Variants in ZZEF1 observed in about 807,000 individuals in gnomAD.
ZZEF1 encodes zinc finger ZZ-type and EF-hand domain-containing protein 1.
In ZZEF1, 157 loss-of-function variants were observed where a neutral mutation model predicts 342.8. The observed-to-expected ratio is 0.46, with a 90% CI of 0.40 to 0.52. The LOEUF (loss-of-function observed/expected upper bound fraction) is 0.52, where lower values mean the gene tolerates loss of function less well. Among genes scored for constraint, ZZEF1 ranks in the 20% least tolerant of loss-of-function variants. The probability of loss-of-function intolerance (pLI) is 0.00; values close to 1 mark genes in which losing one functional copy is unlikely to be tolerated. For synonymous variants in ZZEF1, 1,505 were observed against 1,429.1 expected, an observed-to-expected ratio of 1.05 and a Z score of -1.20; for missense variants, 3,480 against 3,725.6, an observed-to-expected ratio of 0.93 and a Z score of 1.72.
At chr17:4,023,137 A>C (rs2056313401) in intron 43 of ZZEF1, among the ~76,000 whole-genome samples, 1 of 152,038 alleles carries the variant, frequency 6.6e-6, no homozygotes, top group Non-Finnish European at 1.5e-5. Flanking sequence ...CTGCTCCTTG[A>C]CCACCACGCT....
At chr17:4,015,722 C>T (rs1331741913) in intron 49 of ZZEF1, among the ~76,000 whole-genome samples, 1 of 152,222 alleles carries the variant, frequency 6.6e-6, no homozygotes, top group East Asian at 1.9e-4. Flanking sequence ...CGAGATCACA[C>T]CACTGCACTG....
intron 46 of ZZEF1, among the ~76,000 whole-genome samples, chr17:4,019,329 T>C (rs3894202): frequency 0.21 from 31,544 of 152,102 alleles, 3,361 homozygotes; most frequent in Middle Eastern, 0.27. Context: ...ATTTTAAAAA[T>C]ATCTTGAGCA....
At chr17:4,022,604 G>GTACTAA in intron 44 of ZZEF1, 105 bp downstream of exon 44, 1 of 1,531,054 alleles carries the variant, frequency 6.5e-7, no homozygotes. Context: ...TGTACTAAAG[G>GTACTAA]AGTGTGCACA....
Position 4,048,240 on chromosome 17 carries a change from C to T in ZZEF1, c.6015+1468G>A, listed in dbSNP as rs553396419. ...AGACGTTTCATGGAAAAAATGTGGA[C>T]GGTTGAGAGACAGGCTTGATGATTA... On this transcript the variant is annotated intron_variant, in intron 37 of 54. Transcript: ENST00000381638. Among the ~76,000 whole-genome samples the T allele has an allele frequency of 3.0e-4, 45 of 152,302 alleles. 1 individual carries two copies. The highest frequency in any genetic ancestry group is 1.0e-3 in the African/African-American group (42 of 41,552).
rs564733546 is a variant in ZZEF1, at chr17:4,019,941, T to C, written c.7405-172A>G. On this transcript the variant is annotated intron_variant, in intron 45 of 54. Coordinates refer to ENST00000381638, the MANE Select transcript of ZZEF1 (RefSeq NM_015113.4). Reference sequence around the variant, plus strand: ...ATATAAAATTGTAAGCACCAAAACATGGACTATAACACCTACACTACGACT... The same window carrying C: ...ATATAAAATTGTAAGCACCAAAACACGGACTATAACACCTACACTACGACT... 37 of 527,994 alleles carry C rather than the reference T, an allele frequency of 7.0e-5. 1 individual carries two copies. In the South Asian group the frequency reaches 9.7e-4, roughly 14 times the overall value. 32.7% of individuals were successfully genotyped at this position (527,994 alleles called of 1,614,324 possible). A position where few individuals can be genotyped will look rare whatever the true frequency, so the allele number is the denominator to read the frequency against.
intron 43 of ZZEF1, 139 bp downstream of exon 43, chr17:4,024,780 G>T: frequency 3.7e-6 from 3 of 809,590 alleles, no homozygotes; most frequent in Non-Finnish European, 6.2e-6. Flanking sequence ...TGTGTGTAAG[G>T]CCCACGCGTT....
chr17:4,115,624 C>T (rs955643331), intron 3 of ZZEF1, among the ~76,000 whole-genome samples: 2 of 152,058 alleles, frequency 1.3e-5, no homozygotes, highest in Non-Finnish European at 1.5e-5. Context: ...GATCACACCA[C>T]TGCACACCAG....
chr17:4,035,332 A>G (rs1482251820), intron 39 of ZZEF1, among the ~76,000 whole-genome samples: 1 of 152,222 alleles, frequency 6.6e-6, no homozygotes, highest in Non-Finnish European at 1.5e-5. Context: ...TCAAAGAACA[A>G]AAAGTTCTTG....
At chr17:4,130,890 G>A (rs978498026) in intron 1 of ZZEF1, among the ~76,000 whole-genome samples, 3 of 152,096 alleles carry the variant, frequency 2.0e-5, no homozygotes, top group Admixed American at 1.3e-4. Context: ...TACTTCCAGG[G>A]AGAAGAAACA....
At chr17:4,114,207 T>C (rs540951084) in intron 4 of ZZEF1, 92 bp downstream of exon 4, 1 of 1,064,578 alleles carries the variant, frequency 9.4e-7, no homozygotes, top group South Asian at 2.6e-5. Flanking sequence ...TCTTAAAGCA[T>C]CTTCATAGCC....
At position 4,013,589 on chromosome 17, in the gene ZZEF1, C is replaced by A. The variant is rs376438465; in HGVS notation, c.8439G>T (p.Leu2813Phe). 6.5e-5 allele frequency: 105 copies of A among 1,613,236 alleles called. 1 individual carries two copies. The Middle Eastern group carries it at 1.3e-3, about 20-fold the overall frequency. ...QTGFEILKQMLSEERVVPHLP... is the reference protein window; with the variant it reads ...QTGFEILKQMFSEERVVPHLP... Reference sequence around the variant, plus strand: ...GATGAGGCACGACCCTTTCTTCTGACAACATCTGCTTCAAAATCTCGAATC... The same window carrying A: ...GATGAGGCACGACCCTTTCTTCTGAAAACATCTGCTTCAAAATCTCGAATC... The change falls in exon 52 of 55, where the codon TTG (leucine) becomes TTT (phenylalanine). Residue 2813 changes from leucine to phenylalanine, a missense_variant. Physicochemically the swap from Leu to Phe is conservative, Grantham distance 22. This residue lies in a region of ZZEF1 where 1,269 missense variants were observed against 1,342.4 expected (regional missense o/e 0.95). Coordinates refer to ENST00000381638, the MANE Select transcript of ZZEF1 (RefSeq NM_015113.4).
chr17:4,128,536 T>G (rs574028316), intron 1 of ZZEF1, among the ~76,000 whole-genome samples: 6 of 149,138 alleles, frequency 4.0e-5, no homozygotes, highest in African/African-American at 1.2e-4. Context: ...CTAGGCTCAC[T>G]GCAACCTCTG....
chr17:4,052,105 G>T lies in ZZEF1; in HGVS notation c.5466C>A (p.Asp1822Glu). The T allele has an allele frequency of 6.2e-7, 1 of 1,613,884 alleles. No homozygotes were observed. The highest frequency in any genetic ancestry group is 1.1e-5 in the South Asian group (1 of 91,028). ...TAAACTCCATGTTGACCATTTCATG[G>T]TCGTCTCCGTGGCCCTCAGGCTTCA... ...GGVKPEGHGD[D>E]HEMVNMEFTC... The change falls in exon 35 of 55, where the codon GAC (aspartate) becomes GAA (glutamate). Residue 1822 changes from aspartate (D) to glutamate (E), a missense_variant. Asp to Glu is a conservative substitution (Grantham distance 45). This residue lies in a region of ZZEF1 where 175 missense variants were observed against 254.6 expected (regional missense o/e 0.69). Coordinates refer to ENST00000381638, the MANE Select transcript of ZZEF1 (RefSeq NM_015113.4).
At position 4,008,958 on chromosome 17, in the gene ZZEF1, C is replaced by T. The variant is rs1567755281; in HGVS notation, c.8734-4G>A. 6.5e-7 allele frequency: 1 copy of T among 1,540,142 alleles called. No homozygotes were observed. The stretch of plus-strand genomic sequence containing the variant: ...AATCCTGCAGCACGCCAAGCTCCTG[C>T]AGAGAGAGAGCAGGGGCTGTGAGTG... On this transcript the variant is annotated splice_polypyrimidine_tract_variant and splice_region_variant and intron_variant, in intron 53 of 54. Coordinates refer to ENST00000381638, the MANE Select transcript of ZZEF1 (RefSeq NM_015113.4). This position sits in a 1 kb window ranked among gnomAD's most constrained non-coding sequence, Gnocchi z 4.2.
rs1428356689 is a variant in ZZEF1 at position 4,081,369 on chromosome 17, T to C, written c.2829+7A>G. ...ACAAAGAAAACAGGGAGGCAGCCAC[T>C]GGATACCTCTCGAGCAGCAACAGAG... On this transcript the variant is annotated splice_region_variant and intron_variant, in intron 18 of 54. Transcript: ENST00000381638. 1.2e-6 allele frequency: 2 copies of C among 1,611,942 alleles called. No individual in the cohort carries two copies. Among genetic ancestry groups the C allele is most frequent in the South Asian group, 2.2e-5 (2 of 90,940 alleles).
At chr17:4,083,566 C>T (rs931347904) in intron 16 of ZZEF1, among the ~76,000 whole-genome samples, 8 of 152,138 alleles carry the variant, frequency 5.3e-5, no homozygotes, top group South Asian at 2.1e-4. Flanking sequence ...TTTTTCCTTG[C>T]GGCAGGTGTC....
At position 4,105,714 on chromosome 17, in the gene ZZEF1, C is replaced by A. The variant is rs760340836; in HGVS notation, c.1373G>T (p.Ser458Ile). The change falls in exon 7 of 55, where the codon AGT (serine) becomes ATT (isoleucine). Residue 458 changes from serine (S) to isoleucine (I), a missense_variant. Coordinates refer to ENST00000381638, the MANE Select transcript of ZZEF1 (RefSeq NM_015113.4). ...TTACCTAGTTATCCTTATGAGGAAA[C>A]TGTCCACTTCTTCCAGCACATTAGG... ...LSPNVLEEVD[S>I]FLIRITSCCS... The A allele has an allele frequency of 1.2e-6, 2 of 1,612,968 alleles. No homozygotes were observed. Among genetic ancestry groups the A allele is most frequent in the Admixed American group, 3.3e-5 (2 of 59,798 alleles).
intron 2 of ZZEF1, 78 bp from the exon 3 acceptor site, chr17:4,117,244 G>A: frequency 8.7e-7 from 1 of 1,143,320 alleles, no homozygotes; most frequent in Non-Finnish European, 1.2e-6. Context: ...TGGCCTATCT[G>A]AATTGGCTAA....
chr17:4,070,574 A>C, intron 26 of ZZEF1, 110 bp downstream of exon 26: 1 of 1,271,214 alleles, frequency 7.9e-7, no homozygotes, highest in South Asian at 1.6e-5. Context: ...GTTTACAGTT[A>C]TAGAAATGTG....
Sources: allele counts gnomAD v4.1 joint callset (sites outside exome capture counted in the v4.1 genomes callset), GRCh38; gene constraint gnomAD v4.1.1; regional missense constraint gnomAD v4.1.1; non-coding constraint Gnocchi (gnomAD v3.1); transcripts MANE v1.5; gene names NCBI Gene and HGNC (gene_info 2026-07-23, HGNC 2026-07-21).